The following ULK4 variants were observed in gnomAD, a reference collection of about 807,000 sequenced individuals.
ULK4 encodes the protein unc-51 like kinase 4.
A neutral mutation model predicts 160.6 loss-of-function variants in ULK4; 133 were observed. The observed-to-expected ratio is 0.83, with a 90% CI of 0.72 to 0.96. The LOEUF is 0.96. Ranked by LOEUF, ULK4 falls within the 40% of genes least tolerant of loss-of-function variation. The pLI is 0.00. For synonymous variants in ULK4, 534 were observed against 539.8 expected (o/e 0.99, Z 0.15); for missense variants, 1,580 against 1,499.5 (o/e 1.05, Z -0.89).
intron 21 of ULK4, among the ~76,000 whole-genome samples, chr3:41,776,128 C>T (rs1293096255): frequency 2.0e-5 from 3 of 151,020 alleles, no homozygotes; most frequent in Non-Finnish European, 4.4e-5. Flanking sequence ...GTCAGACTTA[C>T]ATGTTCGCCA....
At chr3:41,482,495 G>A (rs2084363663) in intron 32 of ULK4, among the ~76,000 whole-genome samples, 2 of 152,122 alleles carry the variant, frequency 1.3e-5, no homozygotes, top group Non-Finnish European at 2.9e-5. Context: ...AGTTCCAGAT[G>A]TACCTGGGAC....
intron 22 of ULK4, among the ~76,000 whole-genome samples, chr3:41,733,011 G>C (rs527558249): frequency 6.6e-6 from 1 of 152,134 alleles, no homozygotes; most frequent in South Asian, 2.1e-4. Context: ...CAGTTCGATA[G>C]GGAAAATAAG....
intron 35 of ULK4, among the ~76,000 whole-genome samples, chr3:41,279,905 T>C (rs1246279967): frequency 1.3e-5 from 2 of 152,140 alleles, no homozygotes; most frequent in Non-Finnish European, 2.9e-5. Context: ...CCATCTCATG[T>C]GCAGAGACAC....
At chr3:41,344,511 G>C (rs541845860) in intron 35 of ULK4, among the ~76,000 whole-genome samples, 4 of 152,114 alleles carry the variant, frequency 2.6e-5, no homozygotes, top group Non-Finnish European at 4.4e-5. Context: ...CAGCACTTTG[G>C]AAGGCTGAGG....
At chr3:41,827,337 C>CA (rs1454904729) in intron 18 of ULK4, among the ~76,000 whole-genome samples, 1 of 151,644 alleles carries the variant, frequency 6.6e-6, no homozygotes, top group African/African-American at 2.4e-5. Context: ...GACAGAGACA[C>CA]AAAAAACCCT....
intron 35 of ULK4, among the ~76,000 whole-genome samples, chr3:41,370,956 G>C (rs974079528): frequency 3.3e-5 from 5 of 152,130 alleles, no homozygotes; most frequent in Admixed American, 2.0e-4. Context: ...GAGCTTGGTG[G>C]GGGGAGGGGC....
At chr3:41,398,407 A>AGAGT in intron 34 of ULK4, 143 bp from the exon 35 acceptor site, 1 of 763,820 alleles carries the variant, frequency 1.3e-6, no homozygotes, top group Non-Finnish European at 2.0e-6. Context: ...TTTTTGAGAC[A>AGAGT]GGGTCCCACT....
chr3:41,827,514 C>A (rs373190697), intron 18 of ULK4, among the ~76,000 whole-genome samples: 5 of 151,982 alleles, frequency 3.3e-5, no homozygotes. Context: ...GAGAATACTA[C>A]AAACACCTCT....
chr3:41,427,899 T>C (rs1200125590), intron 34 of ULK4, among the ~76,000 whole-genome samples: 2 of 152,182 alleles, frequency 1.3e-5, no homozygotes, highest in African/African-American at 4.8e-5. Context: ...TTATTCAGCA[T>C]AGTACTAGAA....
At chr3:41,492,300 T>A (rs1473775227) in intron 32 of ULK4, among the ~76,000 whole-genome samples, 1 of 152,152 alleles carries the variant, frequency 6.6e-6, no homozygotes, top group African/African-American at 2.4e-5. Flanking sequence ...CCCTGAGGAA[T>A]CGCCACACTG....
intron 19 of ULK4, among the ~76,000 whole-genome samples, chr3:41,806,476 G>C (rs377501064): frequency 1.1e-4 from 16 of 152,160 alleles, no homozygotes; most frequent in South Asian, 4.2e-4. Flanking sequence ...TTTTGTGTCT[G>C]TATTTCCTTC....
intron 34 of ULK4, among the ~76,000 whole-genome samples, chr3:41,426,932 G>T (rs1317123695): frequency 6.6e-6 from 1 of 152,092 alleles, no homozygotes; most frequent in East Asian, 1.9e-4. Context: ...GGAACTGAAG[G>T]AGACAGAGAC....
At chr3:41,888,776 G>GT (rs3836495) in intron 16 of ULK4, among the ~76,000 whole-genome samples, 132,350 of 152,016 alleles carry the variant, frequency 0.87, 59,376 homozygotes, top group Non-Finnish European at 0.98. Flanking sequence ...CAGGGAAGGG[G>GT]TAAATGAGGA....
intron 18 of ULK4, among the ~76,000 whole-genome samples, chr3:41,821,368 A>C (rs2041138387): frequency 6.6e-6 from 1 of 151,078 alleles, no homozygotes; most frequent in Admixed American, 6.6e-5. Flanking sequence ...TCTTATCACC[A>C]CCCTCCCTGA....
chr3:41,911,420 GA>G, intron 10 of ULK4, 34 bp from the exon 11 acceptor site: 1 of 1,610,250 alleles, frequency 6.2e-7, no homozygotes, highest in Non-Finnish European at 8.5e-7. Context: ...ATCCAGAAAA[GA>G]ACAAAAATAT....
chr3:41,734,919 T>A (rs993577286), intron 22 of ULK4, among the ~76,000 whole-genome samples: 1 of 152,068 alleles, frequency 6.6e-6, no homozygotes, highest in Admixed American at 6.6e-5. Flanking sequence ...AGGCAGAACC[T>A]CGGCAGCACC....
At chr3:41,940,128 A>C (rs1699905390) in intron 2 of ULK4, among the ~76,000 whole-genome samples, 1 of 151,950 alleles carries the variant, frequency 6.6e-6, no homozygotes, top group Non-Finnish European at 1.5e-5. Flanking sequence ...AAGGACCCCC[A>C]AGCCTCTCAA....
intron 35 of ULK4, among the ~76,000 whole-genome samples, chr3:41,299,327 C>A (rs2079735876): frequency 6.6e-6 from 1 of 152,158 alleles, no homozygotes; most frequent in Admixed American, 6.5e-5. Flanking sequence ...TAGCAGCTGA[C>A]CAAGGATGCA....
rs747644980 is a variant in ULK4 at position 41,635,636 on chromosome 3, C to G, written c.3072-19919G>C. 5.3e-4 allele frequency among the ~76,000 whole-genome samples: 81 copies of G among 152,160 alleles called. 1 individual carries two copies. The highest frequency in any genetic ancestry group is 3.5e-4 in the Non-Finnish European group (24 of 68,028). Reference sequence around the variant, plus strand: ...CATTTAGTGAGCATGTACTGTGTCACACTGTGCTATGTGCTTGGACATCCA... The same window carrying G: ...CATTTAGTGAGCATGTACTGTGTCAGACTGTGCTATGTGCTTGGACATCCA... On this transcript the variant is annotated intron_variant, in intron 30 of 36. Transcript: ENST00000301831.
Sources: gnomAD v4.1 joint callset for allele counts (sites outside exome capture counted in the v4.1 genomes callset) on GRCh38, gnomAD v4.1.1 for gene constraint, MANE v1.5 for transcripts, NCBI Gene and HGNC (gene_info 2026-07-23, HGNC 2026-07-21) for gene names.